UBE2E1: variants seen among roughly 807,000 people sequenced by gnomAD.
The protein encoded by UBE2E1 is ubiquitin conjugating enzyme E2 E1, also known as ubiquitin-conjugating enzyme E2 E1.
In UBE2E1, 6 loss-of-function variants were observed where a neutral mutation model predicts 21.4. The observed-to-expected ratio is 0.28, with a 90% CI of 0.15 to 0.55. UBE2E1 has a LOEUF of 0.55. Ranked by LOEUF, UBE2E1 falls within the 20% of genes least tolerant of loss-of-function variation. The pLI is 0.93. For synonymous variants in UBE2E1, 87 were observed against 82.7 expected, an observed-to-expected ratio of 1.05 and a Z score of -0.28; for missense variants, 142 against 236.5, an observed-to-expected ratio of 0.60 and a Z score of 2.62.
intron 3 of UBE2E1, among the ~76,000 whole-genome samples, chr3:23,884,490 C>T (rs1278405228): frequency 6.6e-6 from 1 of 152,142 alleles, no homozygotes; most frequent in Non-Finnish European, 1.5e-5. Context: ...AATCTTTAGT[C>T]TTTAAAGTTC....
In UBE2E1 at chr3:23,842,237, G is replaced by GTA. The variant is rs1559482425; in HGVS notation, c.203+30728_203+30729insAT. Among the ~76,000 whole-genome samples the GTA allele has an allele frequency of 1.3e-5, 1 of 74,428 alleles. No individual in the cohort carries two copies. The highest frequency in any genetic ancestry group is 5.5e-5 in the African/African-American group (1 of 18,332). 48.8% of individuals were successfully genotyped at this position (74,428 alleles called of 152,430 possible). A position where few individuals can be genotyped will look rare whatever the true frequency, so the allele number is the denominator to read the frequency against. On this transcript the variant is annotated intron_variant, in intron 3 of 5. Coordinates refer to ENST00000306627, the MANE Select transcript of UBE2E1 (RefSeq NM_003341.5). The surrounding 1 kb of genome is among the most constrained non-coding windows in gnomAD (Gnocchi z 4.6). ...TGTGTGTGTGTGTGTGTGTGTGTGT[G>GTA]TGTGTGTGTGTGGTGTTGTTGTTGT...
chr3:23,884,186 CTTTT>C (rs1347877835), intron 3 of UBE2E1, among the ~76,000 whole-genome samples: 1 of 146,880 alleles, frequency 6.8e-6, no homozygotes, highest in Non-Finnish European at 1.5e-5. Context: ...GTTTTGTCTA[CTTTT>C]TTCTGAACTT....
Position 23,842,198 on chromosome 3 carries a change from G to GGGGGGTGTGTGTGT in UBE2E1, c.203+30689_203+30690insGGGGTGTGTGTGTG, listed in dbSNP as rs1553637704. ...TATGTCATGACCCAGTAAGTGAAGG[G>GGGGGGTGTGTGTGT]GTGTGTGTGTGTGTGTGTGTGTGTG... On this transcript the variant is annotated intron_variant, in intron 3 of 5. Transcript: ENST00000306627. This position sits in a 1 kb window ranked among gnomAD's most constrained non-coding sequence, Gnocchi z 4.6. Among the ~76,000 whole-genome samples, 43 of 104,358 alleles carry GGGGGGTGTGTGTGT rather than the reference G, an allele frequency of 4.1e-4. No homozygotes were observed. The highest frequency in any genetic ancestry group is 1.5e-3 in the African/African-American group (42 of 27,702). 68.5% of individuals were successfully genotyped at this position (104,358 alleles called of 152,430 possible). A position where few individuals can be genotyped will look rare whatever the true frequency, so the allele number is the denominator to read the frequency against.
In UBE2E1 at chr3:23,810,635, T is replaced by C; in HGVS notation, c.153-825T>C. On this transcript the variant is annotated intron_variant, in intron 2 of 5. Transcript: ENST00000306627. This position sits in a 1 kb window ranked among gnomAD's most constrained non-coding sequence, Gnocchi z 5.8. ...CCACTTGGGGTCTGTGGTGCCCGAG[T>C]GGCGGGCGGGGGTGTTCGCGCCCTG... 9.0e-7 allele frequency: 1 copy of C among 1,113,746 alleles called. No homozygotes were observed. 69.0% of individuals were successfully genotyped at this position (1,113,746 alleles called of 1,614,324 possible). A position where few individuals can be genotyped will look rare whatever the true frequency, so the allele number is the denominator to read the frequency against.
intron 3 of UBE2E1, among the ~76,000 whole-genome samples, chr3:23,850,529 T>TA (rs1208241714): frequency 2.6e-4 from 39 of 151,014 alleles, no homozygotes; most frequent in African/African-American, 8.7e-4. Context: ...TTATTATTAT[T>TA]TTTTTTTGAG....
chr3:23,856,121 G>T (rs1700430102), intron 3 of UBE2E1, among the ~76,000 whole-genome samples: 1 of 152,096 alleles, frequency 6.6e-6, no homozygotes. Context: ...CCACCTCCTG[G>T]GTTCAAGCAA....
At chr3:23,825,284 C>G (rs11713440) in intron 3 of UBE2E1, among the ~76,000 whole-genome samples, 1 of 152,180 alleles carries the variant, frequency 6.6e-6, no homozygotes, top group Admixed American at 6.5e-5. Context: ...CAGTACAAAT[C>G]ATTGACAACA....
intron 5 of UBE2E1, 60 bp from the exon 6 acceptor site, chr3:23,890,449 C>A: frequency 1.3e-6 from 2 of 1,541,426 alleles, no homozygotes; most frequent in Non-Finnish European, 1.8e-6. Flanking sequence ...TGTCACTATT[C>A]GCTAAAGTTT....
At chr3:23,862,593 TGGG>T (rs770898859) in intron 3 of UBE2E1, among the ~76,000 whole-genome samples, 12 of 152,250 alleles carry the variant, frequency 7.9e-5, no homozygotes, top group Non-Finnish European at 1.5e-4. Flanking sequence ...GCTTGATTTC[TGGG>T]GACCAAGTAG....
intron 3 of UBE2E1, among the ~76,000 whole-genome samples, chr3:23,878,681 G>A (rs1575036677): frequency 6.6e-6 from 1 of 152,314 alleles, no homozygotes; most frequent in East Asian, 1.9e-4. Flanking sequence ...CTCATGTGAG[G>A]GATCTAGGTT....
intron 3 of UBE2E1, among the ~76,000 whole-genome samples, chr3:23,831,642 C>CT (rs1333619993): frequency 4.6e-5 from 7 of 151,202 alleles, no homozygotes; most frequent in Non-Finnish European, 7.4e-5. Context: ...CCTTAGCCTC[C>CT]TAAGTAGCTA....
chr3:23,873,875 G>A (rs1389391081), intron 3 of UBE2E1, among the ~76,000 whole-genome samples: 5 of 152,150 alleles, frequency 3.3e-5, no homozygotes, highest in Non-Finnish European at 7.3e-5. Context: ...AAGCAAAAGT[G>A]GGCAACAAAA....
Position 23,856,095 on chromosome 3 carries a change from C to T in UBE2E1, c.204-31472C>T, listed in dbSNP as rs546363378. ...AGCCCAGAGTGCAGTGGCATGATCT[C>T]GGCTCACTGCAACCTCCACCTCCTG... On this transcript the variant is annotated intron_variant, in intron 3 of 5. Coordinates refer to ENST00000306627, the MANE Select transcript of UBE2E1 (RefSeq NM_003341.5). Among the ~76,000 whole-genome samples the T allele has an allele frequency of 2.6e-5, 4 of 152,142 alleles. No individual in the cohort carries two copies. The East Asian group carries it at 5.8e-4, about 22-fold the overall frequency.
chr3:23,857,300 C>G (rs1394477558), intron 3 of UBE2E1, among the ~76,000 whole-genome samples: 1 of 151,454 alleles, frequency 6.6e-6, no homozygotes, highest in East Asian at 1.9e-4. Context: ...ACCAAGTGTT[C>G]TATTCACTGT....
intron 5 of UBE2E1, 86 bp downstream of exon 5, chr3:23,889,345 T>C: frequency 6.3e-7 from 1 of 1,592,168 alleles, no homozygotes; most frequent in Middle Eastern, 1.7e-4. Flanking sequence ...ACAAAACTAA[T>C]TTTTCTGCAC....
At chr3:23,882,708 A>G (rs1469428769) in intron 3 of UBE2E1, among the ~76,000 whole-genome samples, 1 of 152,046 alleles carries the variant, frequency 6.6e-6, no homozygotes, top group Non-Finnish European at 1.5e-5. Flanking sequence ...GCCTGGCGAG[A>G]ATTTGAGCCT....
chr3:23,808,722 AG>A lies in UBE2E1; in HGVS notation c.152+1303del, dbSNP rs1699326352. On this transcript the variant is annotated intron_variant, in intron 2 of 5. Coordinates refer to ENST00000306627, the MANE Select transcript of UBE2E1 (RefSeq NM_003341.5). This position sits in a 1 kb window ranked among gnomAD's most constrained non-coding sequence, Gnocchi z 4.9. Reference sequence around the variant, plus strand: ...TGGTTTGATTGTACAGCTTCTCAGGAGGCCTGACTGACCCTCACTGATTAGC... The same window carrying A: ...TGGTTTGATTGTACAGCTTCTCAGGAGCCTGACTGACCCTCACTGATTAGC... The A allele has an allele frequency of 6.6e-6, 1 of 152,256 alleles. No individual in the cohort carries two copies. Among genetic ancestry groups the A allele is most frequent in the Non-Finnish European group, 1.5e-5 (1 of 68,080 alleles). The allele number at this position is 152,256 out of a possible 1,614,324, so 9.4% of individuals were successfully genotyped here. A position where few individuals can be genotyped will look rare whatever the true frequency, so the allele number is the denominator to read the frequency against.
chr3:23,842,163 A>C lies in UBE2E1; in HGVS notation c.203+30653A>C, dbSNP rs925485703. 3.5e-5 allele frequency among the ~76,000 whole-genome samples: 5 copies of C among 144,702 alleles called. No individual in the cohort carries two copies. Among genetic ancestry groups the C allele is most frequent in the African/African-American group, 1.3e-4 (5 of 39,176 alleles). The allele number at this position is 144,702 out of a possible 152,430, so 94.9% of individuals were successfully genotyped here. The stretch of plus-strand genomic sequence containing the variant: ...CAGATGTTAGGATCAGGTAAGAAGA[A>C]AGATTGAACTATGTCATGACCCAGT... On this transcript the variant is annotated intron_variant, in intron 3 of 5. Transcript: ENST00000306627. This position sits in a 1 kb window ranked among gnomAD's most constrained non-coding sequence, Gnocchi z 4.6.
At chr3:23,885,629 G>A (rs1701164160) in intron 3 of UBE2E1, among the ~76,000 whole-genome samples, 1 of 152,162 alleles carries the variant, frequency 6.6e-6, no homozygotes, top group Non-Finnish European at 1.5e-5. Context: ...GGGAGGCCGA[G>A]GCGGGCGGAT....
Sources: gnomAD v4.1 joint callset for allele counts (sites outside exome capture counted in the v4.1 genomes callset) on GRCh38, gnomAD v4.1.1 for gene constraint, Gnocchi (gnomAD v3.1) non-coding constraint, MANE v1.5 for transcripts, NCBI Gene and HGNC (gene_info 2026-07-23, HGNC 2026-07-21) for gene names.